Variants in AMPD3 observed in about 807,000 individuals in gnomAD.
AMPD3 encodes the protein adenosine monophosphate deaminase 3, also known as AMP deaminase 3.
A neutral mutation model predicts 82.3 loss-of-function variants in AMPD3; 57 were observed. The observed-to-expected ratio is 0.69, with a 90% CI of 0.56 to 0.86. AMPD3 has a LOEUF of 0.86. AMPD3 is among the 40% of genes least tolerant of loss of function. The pLI is 0.00. For synonymous variants in AMPD3, 381 were observed against 394.7 expected, an observed-to-expected ratio of 0.97 and a Z score of 0.41; for missense variants, 870 against 1,003.8, an observed-to-expected ratio of 0.87 and a Z score of 1.80.
intron 2 of AMPD3, among the ~76,000 whole-genome samples, chr11:10,463,524 G>T (rs1848332344): frequency 1.3e-5 from 2 of 152,238 alleles, no homozygotes; most frequent in East Asian, 3.8e-4. Flanking sequence ...TGAATGGTCT[G>T]CAGGGCCTTC....
In AMPD3 at chr11:10,506,340, G is replaced by T; in HGVS notation, c.*456G>T. The T allele has an allele frequency of 5.0e-6, 1 of 200,176 alleles. No individual in the cohort carries two copies. Among genetic ancestry groups the T allele is most frequent in the Non-Finnish European group, 1.0e-5 (1 of 95,986 alleles). 12.4% of individuals were successfully genotyped at this position (200,176 alleles called of 1,614,324 possible). Reference sequence around the variant, plus strand: ...ATTTCAAAGCTCCATTTCATAAAGGGGCTACTTTGAAGGAGTTAAGATGGA... The same window carrying T: ...ATTTCAAAGCTCCATTTCATAAAGGTGCTACTTTGAAGGAGTTAAGATGGA... On this transcript the variant is annotated 3_prime_UTR_variant, in exon 15 of 15. Transcript: ENST00000396553. This position sits in a 1 kb window ranked among gnomAD's most constrained non-coding sequence, Gnocchi z 4.1.
At chr11:10,477,869 C>A in intron 2 of AMPD3, 1 of 985,228 alleles carries the variant, frequency 1.0e-6, no homozygotes, top group Non-Finnish European at 1.2e-6. Context: ...ATCTCCTTGG[C>A]ACCCAGTAGG....
At chr11:10,453,864 G>C (rs1848020796), upstream of AMPD3, among the ~76,000 whole-genome samples, 1 of 152,150 alleles carries the variant, frequency 6.6e-6, no homozygotes, top group Admixed American at 6.5e-5. Context: ...TGGGATTACA[G>C]GCATGAGCCA....
intron 2 of AMPD3, among the ~76,000 whole-genome samples, chr11:10,464,754 T>C (rs1179454630): frequency 2.0e-5 from 3 of 152,248 alleles, no homozygotes; most frequent in African/African-American, 7.2e-5. Flanking sequence ...AACATTTTCA[T>C]GGAGGACACC....
At chr11:10,499,547 G>T (rs1338743023) in intron 10 of AMPD3, 1 of 516,950 alleles carries the variant, frequency 1.9e-6, no homozygotes, top group Admixed American at 6.4e-5. Flanking sequence ...TTTCTTAATT[G>T]CTTTGGCCCT....
intron 6 of AMPD3, among the ~76,000 whole-genome samples, chr11:10,492,003 A>G (rs1375602781): frequency 6.6e-6 from 1 of 152,206 alleles, no homozygotes; most frequent in East Asian, 1.9e-4. Flanking sequence ...AAGAGGGCCC[A>G]GGACCAGGCA....
rs1387102122 is a variant in AMPD3 at position 10,504,575 on chromosome 11, T to A, written c.2043T>A (p.Ile681=). 1 of 1,614,210 alleles carries A rather than the reference T, an allele frequency of 6.2e-7. No homozygotes were observed. Among genetic ancestry groups the A allele is most frequent in the East Asian group, 2.2e-5 (1 of 44,886 alleles). ...AAGCACTTATGGAAGAATATGCCATTGCAGCTCAAGTGTGGAAGCTGAGCA... is the reference window on the plus strand; with the variant it reads ...AAGCACTTATGGAAGAATATGCCATAGCAGCTCAAGTGTGGAAGCTGAGCA... ...TKEALMEEYA[I]AAQVWKLSTC... Residue 681 remains isoleucine, a synonymous_variant, in exon 14 of 15, where the codon ATT becomes ATA. Coordinates refer to ENST00000396553, the MANE Select transcript of AMPD3 (RefSeq NM_001025389.2).
chr11:10,502,970 G>C, intron 13 of AMPD3, 76 bp downstream of exon 13: 1 of 1,538,002 alleles, frequency 6.5e-7, no homozygotes. Flanking sequence ...TCAGGAACCT[G>C]AGCCCATGGC....
chr11:10,475,057 A>C (rs934768002), intron 2 of AMPD3, among the ~76,000 whole-genome samples: 28 of 152,210 alleles, frequency 1.8e-4, no homozygotes, highest in Admixed American at 1.8e-3. Flanking sequence ...TTTATAAAAT[A>C]ATGAGGTATA....
rs573031802 is a variant in AMPD3, at chr11:10,498,367, T to A, written c.1557+1429T>A. The A allele has an allele frequency of 2.0e-5, 3 of 153,238 alleles. No individual in the cohort carries two copies. The East Asian group carries it at 5.8e-4, about 29-fold the overall frequency. 9.5% of individuals were successfully genotyped at this position (153,238 alleles called of 1,614,324 possible). On this transcript the variant is annotated intron_variant, in intron 10 of 14. Transcript: ENST00000396553. ...GCCAGCAATGGAGGAAGAGCAGGTA[T>A]GGGGAGGAGGAGGAAGAGCAGGAGG...
chr11:10,469,771 G>A (rs1250410958), intron 2 of AMPD3, among the ~76,000 whole-genome samples: 2 of 152,192 alleles, frequency 1.3e-5, no homozygotes, highest in Non-Finnish European at 2.9e-5. Flanking sequence ...CGGGCGCGGT[G>A]GCTCACGCCT....
At chr11:10,477,746 C>T (rs1591459369) in intron 2 of AMPD3, 1 of 343,388 alleles carries the variant, frequency 2.9e-6, no homozygotes, top group Non-Finnish European at 4.1e-6. Flanking sequence ...GAGGAGGGAG[C>T]AGCAGGGCTG....
At chr11:10,501,666 G>T in intron 12 of AMPD3, 76 bp downstream of exon 12, 1 of 1,612,276 alleles carries the variant, frequency 6.2e-7, no homozygotes, top group Non-Finnish European at 8.5e-7. Flanking sequence ...AACCAGTGAG[G>T]CCAGAAGGCT....
intron 1 of AMPD3, among the ~76,000 whole-genome samples, chr11:10,459,695 C>T (rs1848201667): frequency 6.6e-6 from 1 of 152,094 alleles, no homozygotes; most frequent in African/African-American, 2.4e-5. Flanking sequence ...GAAAAGGGTG[C>T]AGTATTAATC....
intron 2 of AMPD3, among the ~76,000 whole-genome samples, chr11:10,477,724 C>A (rs923019854): frequency 1.3e-5 from 2 of 152,196 alleles, no homozygotes; most frequent in African/African-American, 2.4e-5. Context: ...CAGGATGGTA[C>A]ACGGCGGGCT....
chr11:10,497,987 T>C (rs769673107), intron 10 of AMPD3, among the ~76,000 whole-genome samples: 1 of 152,216 alleles, frequency 6.6e-6, no homozygotes, highest in Non-Finnish European at 1.5e-5. Context: ...ACCAAAGCCC[T>C]GTGAAGCTGC....
chr11:10,455,114 C>T, upstream of AMPD3: 7 of 985,046 alleles, frequency 7.1e-6, no homozygotes, highest in Non-Finnish European at 8.4e-6. Flanking sequence ...AGCTAGCCTC[C>T]CGGTAAACAA....
Position 10,501,703 on chromosome 11 carries a change from G to T in AMPD3, c.1842+113G>T. The T allele has an allele frequency of 2.6e-6, 4 of 1,548,276 alleles. No individual in the cohort carries two copies. In the Admixed American group the frequency reaches 8.3e-5, roughly 32 times the overall value. On this transcript the variant is annotated intron_variant, in intron 12 of 14. Transcript: ENST00000396553. ...GGCCCTCTTCTGGGCTGGGATGTCT[G>T]TCCTTATCTTGGTTTTATTTTTAAT...
chr11:10,488,694 G>A (rs1213209874), intron 6 of AMPD3, among the ~76,000 whole-genome samples: 2 of 152,150 alleles, frequency 1.3e-5, no homozygotes, highest in Admixed American at 6.5e-5. Flanking sequence ...GGGAAGAGTC[G>A]GGATCAGGCT....
Sources: allele counts gnomAD v4.1 joint callset (sites outside exome capture counted in the v4.1 genomes callset), GRCh38; gene constraint gnomAD v4.1.1; non-coding constraint Gnocchi (gnomAD v3.1); transcripts MANE v1.5; gene names NCBI Gene and HGNC (gene_info 2026-07-23, HGNC 2026-07-21).